SLIT1: variants seen among roughly 807,000 people sequenced by gnomAD.
SLIT1 encodes slit homolog 1 protein.
SLIT1 carries 66 observed loss-of-function variants against 186.1 expected under a neutral mutation model. The observed-to-expected ratio is 0.35, with a 90% CI of 0.29 to 0.44. SLIT1 has a LOEUF of 0.44. Ranked by LOEUF, SLIT1 falls within the 20% of genes least tolerant of loss-of-function variation. The pLI is 1.00. For synonymous variants in SLIT1, 761 were observed against 833.8 expected (o/e 0.91, Z 1.50); for missense variants, 1,638 against 2,037.4 (o/e 0.80, Z 3.77).
At chr10:97,143,890 TGTTAAA>T (rs1424710679) in intron 4 of SLIT1, among the ~76,000 whole-genome samples, 1 of 152,196 alleles carries the variant, frequency 6.6e-6, no homozygotes, top group Non-Finnish European at 1.5e-5. Flanking sequence ...AGAGGTTCAA[TGTTAAA>T]GTTAAGATTA....
At chr10:97,111,946 CT>C (rs1300465688) in intron 4 of SLIT1, among the ~76,000 whole-genome samples, 1 of 152,260 alleles carries the variant, frequency 6.6e-6, no homozygotes, top group Non-Finnish European at 1.5e-5. Flanking sequence ...CTCCCCATCA[CT>C]TTCAGGATTA....
At chr10:97,028,687 C>A (rs1777230416) in intron 25 of SLIT1, among the ~76,000 whole-genome samples, 1 of 152,234 alleles carries the variant, frequency 6.6e-6, no homozygotes, top group African/African-American at 2.4e-5. Flanking sequence ...CCTTTGAATT[C>A]TCTTTATAAG....
intron 36 of SLIT1, 88 bp downstream of exon 36, chr10:97,002,070 G>T: frequency 1.2e-6 from 1 of 857,350 alleles, no homozygotes; most frequent in Non-Finnish European, 1.7e-6. Context: ...GGGACAGAAG[G>T]GCTGCCGAGA....
chr10:97,183,598 C>T (rs939619625), intron 1 of SLIT1, among the ~76,000 whole-genome samples: 1 of 152,186 alleles, frequency 6.6e-6, no homozygotes, highest in African/African-American at 2.4e-5. Flanking sequence ...CCACCTCTTT[C>T]CTCTGTACTA....
In SLIT1 at chr10:97,043,626, C is replaced by T. The variant is rs890032145; in HGVS notation, c.1854-113G>A. ...GTTCACAGTTCTCCTCCATAGGCTGCGAGCCGCAGAGCCAGGAACACGCAC... is the reference window on the plus strand; with the variant it reads ...GTTCACAGTTCTCCTCCATAGGCTGTGAGCCGCAGAGCCAGGAACACGCAC... On this transcript the variant is annotated intron_variant, in intron 18 of 36. Coordinates refer to ENST00000266058, the MANE Select transcript of SLIT1 (RefSeq NM_003061.3). This position sits in a 1 kb window ranked among gnomAD's most constrained non-coding sequence, Gnocchi z 7.0. The T allele has an allele frequency of 4.3e-5, 45 of 1,047,932 alleles. No individual in the cohort carries two copies. Among genetic ancestry groups the T allele is most frequent in the Middle Eastern group, 3.1e-4 (1 of 3,232 alleles). 64.9% of individuals were successfully genotyped at this position (1,047,932 alleles called of 1,614,324 possible).
chr10:97,060,341 G>A (rs868053244), intron 9 of SLIT1, among the ~76,000 whole-genome samples, 183 bp from the exon 10 acceptor site: 14 of 152,212 alleles, frequency 9.2e-5, no homozygotes, highest in East Asian at 1.9e-4. Context: ...GCTGACTTGC[G>A]CTCCATTATC....
chr10:97,063,416 C>T lies in SLIT1; in HGVS notation c.793+39G>A, dbSNP rs746360290. On this transcript the variant is annotated intron_variant, in intron 8 of 36. Coordinates refer to ENST00000266058, the MANE Select transcript of SLIT1 (RefSeq NM_003061.3). ...CGGGAACAAGAGGCAGGGCAGGAGG[C>T]GCCGGACAGTTGAGAGCCCGGCAGG... is the stretch of plus-strand genomic sequence containing the variant. 1.0e-5 allele frequency: 16 copies of T among 1,606,702 alleles called. No individual in the cohort carries two copies. The South Asian group carries it at 1.3e-4, about 13-fold the overall frequency.
intron 4 of SLIT1, chr10:97,101,450 A>G (rs1849352990): frequency 6.6e-6 from 1 of 152,210 alleles, no homozygotes; most frequent in African/African-American, 2.4e-5. Context: ...CCCTGGGGGA[A>G]TTTAAACATG....
chr10:97,169,406 A>G (rs1451095883), intron 1 of SLIT1, among the ~76,000 whole-genome samples: 1 of 152,216 alleles, frequency 6.6e-6, no homozygotes, highest in African/African-American at 2.4e-5. Context: ...CTCTCCCACC[A>G]GGATCAAGTT....
At chr10:97,144,120 C>T (rs910878810) in intron 4 of SLIT1, among the ~76,000 whole-genome samples, 2 of 151,872 alleles carry the variant, frequency 1.3e-5, no homozygotes, top group South Asian at 4.2e-4. Flanking sequence ...ATCTCTTGAA[C>T]CCGGGAGGTG....
intron 9 of SLIT1, 115 bp from the exon 10 acceptor site, chr10:97,060,273 C>T: frequency 2.4e-6 from 2 of 834,216 alleles, no homozygotes; most frequent in South Asian, 2.8e-5. Flanking sequence ...CCCCTGCTCC[C>T]TTCCCACTTC....
intron 4 of SLIT1, among the ~76,000 whole-genome samples, chr10:97,149,348 A>G (rs990036582): frequency 2.0e-5 from 3 of 152,216 alleles, no homozygotes; most frequent in African/African-American, 7.2e-5. Context: ...TCGAGAATCC[A>G]GAGTGCTCCA....
At chr10:97,081,036 C>T (rs1348648919) in intron 4 of SLIT1, among the ~76,000 whole-genome samples, 11 of 152,182 alleles carry the variant, frequency 7.2e-5, no homozygotes, top group Non-Finnish European at 1.5e-4. Flanking sequence ...GCACAGTCTA[C>T]GCAACAGGCA....
chr10:97,051,765 T>C (rs1186408860), intron 13 of SLIT1, among the ~76,000 whole-genome samples: 12 of 148,218 alleles, frequency 8.1e-5, no homozygotes, highest in Non-Finnish European at 1.0e-4. Flanking sequence ...TGAGCCGAGA[T>C]CGTGCCACTG....
intron 14 of SLIT1, among the ~76,000 whole-genome samples, chr10:97,048,667 C>G (rs533513385): frequency 6.6e-6 from 1 of 152,288 alleles, no homozygotes; most frequent in Admixed American, 6.5e-5. Flanking sequence ...TTTGTGGGAG[C>G]CATCCAGGAA....
rs116244406 is a variant in SLIT1 at position 97,075,307 on chromosome 10, T to C, written c.414-9221A>G. Among the ~76,000 whole-genome samples, 708 of 152,342 alleles carry C rather than the reference T, an allele frequency of 4.6e-3. 9 individuals are homozygous for C. Among genetic ancestry groups the C allele is most frequent in the African/African-American group, 0.016 (650 of 41,588 alleles). On this transcript the variant is annotated intron_variant, in intron 4 of 36. Transcript: ENST00000266058. Reference sequence around the variant, plus strand: ...TCTTCTCATGGTAAAATGGGAATAATTATCATATGGCTTAACCACAGCTGA... The same window carrying C: ...TCTTCTCATGGTAAAATGGGAATAACTATCATATGGCTTAACCACAGCTGA...
intron 4 of SLIT1, among the ~76,000 whole-genome samples, chr10:97,074,214 A>G (rs112189824): frequency 0.025 from 3,754 of 152,264 alleles, 132 homozygotes; most frequent in African/African-American, 0.078. Flanking sequence ...ACTTTCCCTT[A>G]TATCCTGGCA....
intron 4 of SLIT1, among the ~76,000 whole-genome samples, chr10:97,140,177 G>T (rs1039034333): frequency 2.4e-4 from 37 of 152,104 alleles, no homozygotes; most frequent in African/African-American, 8.5e-4. Flanking sequence ...GCCAAGGCGG[G>T]TGTCTCGCCA....
chr10:97,124,477 G>T (rs1386436532), intron 4 of SLIT1, among the ~76,000 whole-genome samples: 1 of 152,196 alleles, frequency 6.6e-6, no homozygotes, highest in Non-Finnish European at 1.5e-5. Flanking sequence ...AAACAATAAT[G>T]CCAGCTGGAT....
Sources: gnomAD v4.1 joint callset for allele counts (sites outside exome capture counted in the v4.1 genomes callset) on GRCh38, gnomAD v4.1.1 for gene constraint, Gnocchi (gnomAD v3.1) non-coding constraint, MANE v1.5 for transcripts, NCBI Gene and HGNC (gene_info 2026-07-23, HGNC 2026-07-21) for gene names.